Variants in ZNF334 observed in about 807,000 individuals in gnomAD.
The protein encoded by ZNF334 is zinc finger protein 334.
A neutral mutation model predicts 12.4 loss-of-function variants in ZNF334; 14 were observed. That is an observed-to-expected ratio of 1.13 (90% CI 0.74 to 1.76). The LOEUF (loss-of-function observed/expected upper bound fraction) is 1.76. Among genes scored for constraint, ZNF334 ranks in the 40% most tolerant of loss-of-function variants. The pLI is 0.00. For synonymous variants in ZNF334, 273 were observed against 269.6 expected, an observed-to-expected ratio of 1.01 and a Z score of -0.12; for missense variants, 797 against 804.5, an observed-to-expected ratio of 0.99 and a Z score of 0.11.
the ZNF334 span, chr20:46,491,204 G>A: frequency 6.5e-6 from 1 of 152,682 alleles, no homozygotes; most frequent in Non-Finnish European, 1.5e-5. Context: ...CAAATGTGAT[G>A]TATGTCAAAA....
rs747981994 is a variant in ZNF334 at position 46,503,032 on chromosome 20, A to C, written c.307T>G (p.Phe103Val). 2.5e-6 allele frequency: 4 copies of C among 1,613,272 alleles called. No homozygotes were observed. Among genetic ancestry groups the C allele is most frequent in the Non-Finnish European group, 3.4e-6 (4 of 1,179,770 alleles). Residue 103 changes from phenylalanine (F) to valine (V), a missense_variant, in exon 5 of 5, where the codon TTC becomes GTC. Transcript: ENST00000692313. ...QDKHLTQTVFFSNKTLITERE... is the reference protein window; with the variant it reads ...QDKHLTQTVFVSNKTLITERE... Reference sequence around the variant, plus strand: ...TCTGTAATCAGTGTTTTGTTGCTGAAGAATACAGTTTGTGTCAAATGTTTA... The same window carrying C: ...TCTGTAATCAGTGTTTTGTTGCTGACGAATACAGTTTGTGTCAAATGTTTA...
chr20:46,504,545 A>T, intron 3 of ZNF334, 69 bp downstream of exon 3: 5 of 1,515,372 alleles, frequency 3.3e-6, no homozygotes, highest in Non-Finnish European at 4.4e-6. Flanking sequence ...AAATTCTAGA[A>T]ATCAACATGT....
chr20:46,479,120 C>T, the ZNF334 span, among the ~76,000 whole-genome samples: 1 of 152,280 alleles, frequency 6.6e-6, no homozygotes, highest in East Asian at 1.9e-4. Flanking sequence ...CAAAGCAGGT[C>T]TCATGGGGCT....
chr20:46,470,625 T>C, the ZNF334 span, among the ~76,000 whole-genome samples: 3,431 of 152,318 alleles, frequency 0.023, 52 homozygotes, highest in Non-Finnish European at 0.034. Context: ...ATCTCTTCTT[T>C]ACACTTTAAC....
rs2061369598 is a variant in ZNF334, at chr20:46,504,678, G to T, written c.84C>A (p.Asp28Glu). The T allele has an allele frequency of 6.2e-7, 1 of 1,612,460 alleles. No homozygotes were observed. The change falls in exon 3 of 5, where the codon GAC (aspartate) becomes GAA (glutamate). Residue 28 changes from aspartate to glutamate, a missense_variant. Transcript: ENST00000692313. ...CCCTGTACAGGAGCCTCTGAGCAGG[G>T]TCCAGTTGCTGCCATTCCTCTTGGG... ...NFTQEEWQQL[D>E]PAQRLLYRDV... is the part of the protein sequence containing the mutation.
At chr20:46,463,892 G>T in the ZNF334 span, 1 of 468,182 alleles carries the variant, frequency 2.1e-6, no homozygotes, top group Admixed American at 2.3e-5. Flanking sequence ...ACGCAAGGTG[G>T]CTACTGAGCC....
chr20:46,474,379 C>CA, the ZNF334 span: 964 of 124,674 alleles, frequency 7.7e-3, 7 homozygotes, highest in African/African-American at 0.022. Flanking sequence ...GACCGTATCT[C>CA]AAAAAAAAAA....
intron 2 of ZNF334, among the ~76,000 whole-genome samples, chr20:46,510,187 G>A (rs2061592639): frequency 6.6e-6 from 1 of 152,118 alleles, no homozygotes; most frequent in African/African-American, 2.4e-5. Context: ...AGTCATTTCT[G>A]TATTAAGACA....
At chr20:46,469,521 A>T in the ZNF334 span, among the ~76,000 whole-genome samples, 2 of 148,348 alleles carry the variant, frequency 1.3e-5, no homozygotes, top group Non-Finnish European at 3.0e-5. Flanking sequence ...GGTGCCCACC[A>T]CCACACTGGG....
chr20:46,487,425 C>A, the ZNF334 span, among the ~76,000 whole-genome samples: 1 of 152,124 alleles, frequency 6.6e-6, no homozygotes, highest in Non-Finnish European at 1.5e-5. Context: ...TCTGAAATTT[C>A]TTTTATTCCA....
the ZNF334 span, chr20:46,464,751 A>T: frequency 2.0e-6 from 1 of 496,820 alleles, no homozygotes; most frequent in South Asian, 1.6e-5. Context: ...AGAAAGGGGC[A>T]GTGTACGCTG....
At chr20:46,468,125 T>C in the ZNF334 span, among the ~76,000 whole-genome samples, 2 of 152,246 alleles carry the variant, frequency 1.3e-5, no homozygotes, top group Non-Finnish European at 2.9e-5. Flanking sequence ...CCTGGGACAG[T>C]TTTTGGTGAC....
At position 46,503,003 on chromosome 20, in the gene ZNF334, T is replaced by C. The variant is rs2061301828; in HGVS notation, c.336A>G (p.Arg112=). 6.2e-7 allele frequency: 1 copy of C among 1,614,004 alleles called. No individual in the cohort carries two copies. Among genetic ancestry groups the C allele is most frequent in the East Asian group, 2.2e-5 (1 of 44,822 alleles). Residue 112 remains arginine (R), a synonymous_variant, in exon 5 of 5, where the codon AGA becomes AGG. Transcript: ENST00000692313. ...FFSNKTLITE[R]ENVFGKTLNL... is the part of the protein sequence containing the mutation. ...TAAGTGTTTTCCCAAATACATTCTC[T>C]CTTTCTGTAATCAGTGTTTTGTTGC... is the stretch of plus-strand genomic sequence containing the variant.
chr20:46,482,186 T>G, the ZNF334 span, among the ~76,000 whole-genome samples: 1 of 152,192 alleles, frequency 6.6e-6, no homozygotes. Context: ...ACTCCACAAC[T>G]GTAAGATTAT....
the ZNF334 span, chr20:46,484,909 T>C: frequency 2.4e-5 from 4 of 165,126 alleles, no homozygotes; most frequent in Admixed American, 6.5e-5. Flanking sequence ...TCTGGGAAGA[T>C]TGAGATGTTA....
chr20:46,509,580 A>G (rs1241969881), intron 2 of ZNF334: 1 of 702,702 alleles, frequency 1.4e-6, no homozygotes, highest in African/African-American at 1.7e-5. Flanking sequence ...AGAATAGAGA[A>G]AGGATGGGGA....
chr20:46,482,087 C>T, the ZNF334 span, among the ~76,000 whole-genome samples: 1 of 152,138 alleles, frequency 6.6e-6, no homozygotes, highest in African/African-American at 2.4e-5. Flanking sequence ...CCAAGGAATG[C>T]AGGTGGTTTC....
chr20:46,493,757 G>A, the ZNF334 span, among the ~76,000 whole-genome samples: 11 of 152,194 alleles, frequency 7.2e-5, no homozygotes, highest in Admixed American at 5.9e-4. Context: ...GGAGCGTGGT[G>A]CCTTTGTAGT....
At chr20:46,510,744 T>G (rs1601075691) in intron 2 of ZNF334, among the ~76,000 whole-genome samples, 1 of 114,154 alleles carries the variant, frequency 8.8e-6, no homozygotes, top group African/African-American at 3.6e-5. Flanking sequence ...GGTGATAGAG[T>G]GAGAGCCCAT....
Sources: allele counts gnomAD v4.1 joint callset (sites outside exome capture counted in the v4.1 genomes callset), GRCh38; gene constraint gnomAD v4.1.1; transcripts MANE v1.5; gene names NCBI Gene and HGNC (gene_info 2026-07-23, HGNC 2026-07-21).